The following GULP1 variants were observed in gnomAD, a reference collection of about 807,000 sequenced individuals.
GULP1 encodes the protein PTB domain-containing engulfment adapter protein 1.
GULP1 carries 19 observed loss-of-function variants against 40.9 expected under a neutral mutation model. The observed-to-expected ratio is 0.46, with a 90% CI of 0.32 to 0.68. The LOEUF is 0.68. Ranked by LOEUF, GULP1 falls within the 30% of genes least tolerant of loss-of-function variation. The probability of loss-of-function intolerance (pLI) is 0.03; values close to 1 mark genes in which losing one functional copy is unlikely to be tolerated. For synonymous variants in GULP1, 119 were observed against 117.6 expected (o/e 1.01, Z -0.08); for missense variants, 312 against 362.2 (o/e 0.86, Z 1.12).
chr2:188,394,304 G>A (rs1244583173), intron 2 of GULP1, among the ~76,000 whole-genome samples: 1 of 151,698 alleles, frequency 6.6e-6, no homozygotes, highest in Non-Finnish European at 1.5e-5. Context: ...TCTTCTAGTT[G>A]GTTTAGTCTA....
intron 2 of GULP1, among the ~76,000 whole-genome samples, chr2:188,395,726 G>A (rs1309368575): frequency 6.6e-6 from 1 of 152,140 alleles, no homozygotes; most frequent in African/African-American, 2.4e-5. Context: ...AGTGAATGCT[G>A]CTGCTCCTCT....
At chr2:188,445,366 A>G (rs939219289) in intron 2 of GULP1, among the ~76,000 whole-genome samples, 2 of 152,190 alleles carry the variant, frequency 1.3e-5, no homozygotes, top group Non-Finnish European at 2.9e-5. Flanking sequence ...AGAGATTCAG[A>G]GACAGCAATG....
intron 2 of GULP1, among the ~76,000 whole-genome samples, chr2:188,406,117 A>G (rs545875040): frequency 2.0e-5 from 3 of 152,320 alleles, no homozygotes; most frequent in African/African-American, 4.8e-5. Context: ...ATAGCCTACT[A>G]TGCCCCTATA....
At chr2:188,507,819 G>A (rs191467216) in intron 4 of GULP1, among the ~76,000 whole-genome samples, 58 of 151,968 alleles carry the variant, frequency 3.8e-4, no homozygotes, top group African/African-American at 1.4e-3. Flanking sequence ...AAATGGAAGT[G>A]CACAGAGTCA....
intron 1 of GULP1, among the ~76,000 whole-genome samples, chr2:188,371,209 G>A (rs1486687132): frequency 6.6e-6 from 1 of 152,032 alleles, no homozygotes; most frequent in Admixed American, 6.6e-5. Flanking sequence ...TTTTTCTGAA[G>A]CAGGGTTTCT....
chr2:188,524,757 C>G (rs1273856246), intron 5 of GULP1, among the ~76,000 whole-genome samples: 1 of 151,426 alleles, frequency 6.6e-6, no homozygotes, highest in Admixed American at 6.6e-5. Flanking sequence ...AAAAAAGAAC[C>G]TTGCTCTTTG....
intron 2 of GULP1, among the ~76,000 whole-genome samples, chr2:188,456,466 C>G (rs2059274928): frequency 6.6e-6 from 1 of 152,160 alleles, no homozygotes; most frequent in Non-Finnish European, 1.5e-5. Context: ...AGGGTGCAAA[C>G]TTAAGGCCTT....
chr2:188,579,059 T>TA (rs1267309249), intron 9 of GULP1, among the ~76,000 whole-genome samples: 2 of 152,154 alleles, frequency 1.3e-5, no homozygotes, highest in Non-Finnish European at 2.9e-5. Flanking sequence ...GCACCAAATT[T>TA]ATCCATATAT....
intron 1 of GULP1, among the ~76,000 whole-genome samples, chr2:188,313,819 TTATTTTATTGAGAATTGG>T (rs2038611837): frequency 6.6e-6 from 1 of 152,168 alleles, no homozygotes; most frequent in African/African-American, 2.4e-5. Flanking sequence ...AATTGGTATT[TTATTTTATTGAGAATTGG>T]TATTTTATTG....
At chr2:188,505,699 T>C (rs920745891) in intron 4 of GULP1, among the ~76,000 whole-genome samples, 4 of 151,846 alleles carry the variant, frequency 2.6e-5, no homozygotes, top group Non-Finnish European at 4.4e-5. Flanking sequence ...CCTATTCATA[T>C]GGAAGATCAC....
chr2:188,561,330 C>T (rs1696210312), intron 7 of GULP1, among the ~76,000 whole-genome samples: 2 of 152,194 alleles, frequency 1.3e-5, no homozygotes, highest in African/African-American at 2.4e-5. Context: ...GTCCCCTAAG[C>T]AGGCACTGTG....
chr2:188,567,394 A>G (rs1380548984), intron 7 of GULP1, among the ~76,000 whole-genome samples: 2 of 152,352 alleles, frequency 1.3e-5, no homozygotes, highest in East Asian at 1.9e-4. Flanking sequence ...ATGCCCATCA[A>G]TGATAGATTG....
At chr2:188,345,607 A>G (rs2043541751) in intron 1 of GULP1, among the ~76,000 whole-genome samples, 1 of 152,192 alleles carries the variant, frequency 6.6e-6, no homozygotes, top group Non-Finnish European at 1.5e-5. Flanking sequence ...AATATAAAGT[A>G]AGTTGCTGTG....
At chr2:188,370,867 A>ATG (rs767786040) in intron 1 of GULP1, among the ~76,000 whole-genome samples, 12 of 151,726 alleles carry the variant, frequency 7.9e-5, no homozygotes, top group Non-Finnish European at 1.3e-4. Context: ...GCATGTGTGT[A>ATG]TGTGTGTGTG....
Position 188,497,540 on chromosome 2 carries a change from G to A in GULP1, c.90+14048G>A, listed in dbSNP as rs538594757. Among the ~76,000 whole-genome samples the A allele has an allele frequency of 2.6e-5, 4 of 152,040 alleles. No homozygotes were observed. The East Asian group carries it at 7.8e-4, about 30-fold the overall frequency. On this transcript the variant is annotated intron_variant, in intron 4 of 11. Transcript: ENST00000409830. ...GTGTTTATCTATAGTGAGTATGTTT[G>A]CTTTTTTTAAGGGTATAAATTAACA...
intron 2 of GULP1, among the ~76,000 whole-genome samples, chr2:188,426,925 T>G (rs1373511647): frequency 1.3e-5 from 2 of 152,196 alleles, no homozygotes; most frequent in African/African-American, 4.8e-5. Flanking sequence ...ACCAAAATGC[T>G]GACAGTGATA....
At chr2:188,566,985 T>G (rs1332497838) in intron 7 of GULP1, among the ~76,000 whole-genome samples, 1 of 151,806 alleles carries the variant, frequency 6.6e-6, no homozygotes, top group African/African-American at 2.4e-5. Flanking sequence ...GAAGAGACAC[T>G]TCTCAAAAGA....
chr2:188,332,191 C>CTTTTT (rs11431434), intron 1 of GULP1, among the ~76,000 whole-genome samples: 2 of 126,702 alleles, frequency 1.6e-5, no homozygotes, highest in Non-Finnish European at 3.2e-5. Flanking sequence ...TTTCTTTATT[C>CTTTTT]TTTTTTTTTT....
chr2:188,472,986 G>T (rs1039241118), intron 2 of GULP1, among the ~76,000 whole-genome samples: 9 of 152,182 alleles, frequency 5.9e-5, no homozygotes, highest in Non-Finnish European at 1.0e-4. Context: ...AGTTGTATCT[G>T]CTTTGGGGGG....
Sources: allele counts gnomAD v4.1 joint callset (sites outside exome capture counted in the v4.1 genomes callset), GRCh38; gene constraint gnomAD v4.1.1; transcripts MANE v1.5; gene names NCBI Gene and HGNC (gene_info 2026-07-23, HGNC 2026-07-21).